Variants in COPS4 observed in about 807,000 individuals in gnomAD.
COPS4 encodes COP9 signalosome complex subunit 4.
COPS4 carries 8 observed loss-of-function variants against 55.1 expected under a neutral mutation model. That is an observed-to-expected ratio of 0.15 (90% CI 0.09 to 0.26). COPS4 has a LOEUF of 0.26. COPS4 is among the 10% of genes least tolerant of loss of function. The pLI is 1.00. For synonymous variants in COPS4, 185 were observed against 165.7 expected, an observed-to-expected ratio of 1.12 and a Z score of -0.90; for missense variants, 248 against 484.0, an observed-to-expected ratio of 0.51 and a Z score of 4.58.
intron 9 of COPS4, 105 bp from the exon 10 acceptor site, chr4:83,075,192 T>A: frequency 1.1e-6 from 1 of 935,316 alleles, no homozygotes; most frequent in East Asian, 2.6e-5. Flanking sequence ...AAAAGGAACA[T>A]GCCTCTTCCA....
At chr4:83,054,215 G>A (rs1238892519) in intron 4 of COPS4, among the ~76,000 whole-genome samples, 3 of 152,024 alleles carry the variant, frequency 2.0e-5, no homozygotes, top group African/African-American at 7.3e-5. Context: ...GGTGGCAGGC[G>A]CCTGTAGTCC....
chr4:83,064,000 A>G (rs1202420891), intron 7 of COPS4, among the ~76,000 whole-genome samples: 1 of 152,180 alleles, frequency 6.6e-6, no homozygotes, highest in Non-Finnish European at 1.5e-5. Flanking sequence ...GTGCCTGGCA[A>G]TACAATCCTT....
chr4:83,062,776 G>A (rs1249539727), intron 6 of COPS4, among the ~76,000 whole-genome samples: 1 of 152,158 alleles, frequency 6.6e-6, no homozygotes, highest in African/African-American at 2.4e-5. Flanking sequence ...TCAACAATAT[G>A]TATTAAATAG....
intron 4 of COPS4, among the ~76,000 whole-genome samples, chr4:83,053,661 T>G (rs1173338597): frequency 6.6e-6 from 1 of 151,920 alleles, no homozygotes; most frequent in Non-Finnish European, 1.5e-5. Flanking sequence ...GCCAACATGG[T>G]GAAACCTTGT....
At chr4:83,073,218 A>T (rs1731482832) in intron 9 of COPS4, 1 of 675,388 alleles carries the variant, frequency 1.5e-6, no homozygotes, top group Non-Finnish European at 2.7e-6. Flanking sequence ...TCTGGCAACC[A>T]CCAATCCATC....
Position 83,048,627 on chromosome 4 carries a change from A to T in COPS4, c.155-539A>T, listed in dbSNP as rs536867480. Among the ~76,000 whole-genome samples the T allele has an allele frequency of 5.9e-5, 9 of 151,960 alleles. No individual in the cohort carries two copies. In the South Asian group the frequency reaches 1.0e-3, roughly 18 times the overall value. Reference sequence around the variant, plus strand: ...TGTGTTATTTTTACTGTTTTTTAAGATTTTTTAATTAATTAATGAATTAAT... The same window carrying T: ...TGTGTTATTTTTACTGTTTTTTAAGTTTTTTTAATTAATTAATGAATTAAT... On this transcript the variant is annotated intron_variant, in intron 2 of 9. Coordinates refer to ENST00000264389, the MANE Select transcript of COPS4 (RefSeq NM_016129.3).
chr4:83,073,516 T>TA (rs1255440597), intron 9 of COPS4, among the ~76,000 whole-genome samples: 29 of 151,272 alleles, frequency 1.9e-4, no homozygotes, highest in African/African-American at 5.8e-4. Flanking sequence ...GAAAGCAAAA[T>TA]AGAAAAAAAA....
intron 2 of COPS4, among the ~76,000 whole-genome samples, chr4:83,046,716 AATG>A (rs1486575698): frequency 5.3e-5 from 8 of 152,230 alleles, no homozygotes; most frequent in Admixed American, 2.6e-4. Context: ...TCACATCATT[AATG>A]ATATCTGATA....
At chr4:83,069,353 G>A (rs994240178) in intron 9 of COPS4, among the ~76,000 whole-genome samples, 6 of 152,060 alleles carry the variant, frequency 3.9e-5, no homozygotes, top group African/African-American at 1.4e-4. Flanking sequence ...GTCTGTCTCC[G>A]TTACTCTCAG....
In COPS4 at chr4:83,049,889, C is replaced by A. The variant is rs1217313002; in HGVS notation, c.315C>A (p.Ser105=). The A allele has an allele frequency of 4.4e-6, 7 of 1,596,686 alleles. No homozygotes were observed. Among genetic ancestry groups the A allele is most frequent in the Non-Finnish European group, 6.0e-6 (7 of 1,172,014 alleles). ...TATACCTATTATTCCAGGTTGCTTC[C>A]ATAAGACAGCATCTTGCATCTATAT... The part of the protein sequence containing the change: ...RVISFEEQVA[S]IRQHLASIYE... Residue 105 remains serine (S), a synonymous_variant, in exon 4 of 10, where the codon TCC becomes TCA. Transcript: ENST00000264389.
intron 9 of COPS4, among the ~76,000 whole-genome samples, chr4:83,070,699 T>G (rs942472681): frequency 2.6e-5 from 4 of 152,334 alleles, no homozygotes; most frequent in Non-Finnish European, 5.9e-5. Flanking sequence ...CTTTCTTTCC[T>G]TCTCATATCT....
At chr4:83,043,514 G>A in intron 1 of COPS4, among the ~76,000 whole-genome samples, 1 of 82,016 alleles carries the variant, frequency 1.2e-5, no homozygotes, top group Admixed American at 2.0e-4. Flanking sequence ...GTGAGACCCT[G>A]TCTCAAAAAA....
rs1730386227 is a variant in COPS4 at position 83,035,239 on chromosome 4, G to A, written c.15G>A (p.Val5=). Residue 5 remains valine, a synonymous_variant, in exon 1 of 10, where the codon GTG becomes GTA. Coordinates refer to ENST00000264389, the MANE Select transcript of COPS4 (RefSeq NM_016129.3). MAAA[V]RQDLAQLMNS... ...CTGGGAGAAAGATGGCGGCAGCCGT[G>A]CGACAGGATTTGGCCCAGCTCATGA... The A allele has an allele frequency of 1.3e-6, 2 of 1,572,238 alleles. No individual in the cohort carries two copies. Among genetic ancestry groups the A allele is most frequent in the South Asian group, 2.2e-5 (2 of 89,942 alleles).
chr4:83,046,887 GC>G (rs1257588220), intron 2 of COPS4, among the ~76,000 whole-genome samples: 19 of 152,262 alleles, frequency 1.2e-4, no homozygotes, highest in African/African-American at 4.3e-4. Context: ...AGCTGGCAGA[GC>G]CCAGATCAGA....
chr4:83,040,032 C>T (rs1730518238), intron 1 of COPS4, among the ~76,000 whole-genome samples: 1 of 152,184 alleles, frequency 6.6e-6, no homozygotes, highest in South Asian at 2.1e-4. Flanking sequence ...CTCTAGGCCT[C>T]TTACTCTGTC....
rs879475280 is a variant in COPS4 at position 83,057,161 on chromosome 4, C to T, written c.564+82C>T. ...GATGTTCCAGGACATCTGATAGATG[C>T]TCTTAAATATTAGAAATTGTTTCTC... On this transcript the variant is annotated intron_variant, in intron 5 of 9. Coordinates refer to ENST00000264389, the MANE Select transcript of COPS4 (RefSeq NM_016129.3). 4.0e-6 allele frequency: 6 copies of T among 1,498,158 alleles called. No individual in the cohort carries two copies. In the South Asian group the frequency reaches 7.5e-5, roughly 19 times the overall value. 92.8% of individuals were successfully genotyped at this position (1,498,158 alleles called of 1,614,324 possible).
chr4:83,047,195 T>G (rs1300090320), intron 2 of COPS4, among the ~76,000 whole-genome samples: 1 of 152,216 alleles, frequency 6.6e-6, no homozygotes, highest in Non-Finnish European at 1.5e-5. Context: ...TAGGAGTGGT[T>G]TATTAAGAAC....
intron 1 of COPS4, among the ~76,000 whole-genome samples, chr4:83,041,928 G>A (rs1046393124): frequency 1.3e-5 from 2 of 151,138 alleles, no homozygotes; most frequent in Admixed American, 6.6e-5. Flanking sequence ...GCAGCAGCGG[G>A]ATCTCAGCTC....
intron 6 of COPS4, among the ~76,000 whole-genome samples, chr4:83,061,987 A>G (rs1352756019): frequency 6.6e-6 from 1 of 152,224 alleles, no homozygotes; most frequent in South Asian, 2.1e-4. Flanking sequence ...TTAATGGACT[A>G]CCAAGATATG....
Sources: gnomAD v4.1 joint callset for allele counts (sites outside exome capture counted in the v4.1 genomes callset) on GRCh38, gnomAD v4.1.1 for gene constraint, MANE v1.5 for transcripts, NCBI Gene and HGNC (gene_info 2026-07-23, HGNC 2026-07-21) for gene names.